NRG1: variants seen among roughly 807,000 people sequenced by gnomAD.
The protein encoded by NRG1 is neuregulin 1.
A neutral mutation model predicts 63.8 loss-of-function variants in NRG1; 18 were observed. That is an observed-to-expected ratio of 0.28 (90% CI 0.19 to 0.42). The LOEUF is 0.42. Ranked by LOEUF, NRG1 falls within the 10% of genes least tolerant of loss-of-function variation. The probability of loss-of-function intolerance (pLI) is 1.00; values close to 1 mark genes in which losing one functional copy is unlikely to be tolerated. For synonymous variants in NRG1, 302 were observed against 301.3 expected, an observed-to-expected ratio of 1.00 and a Z score of -0.02; for missense variants, 762 against 814.7, an observed-to-expected ratio of 0.94 and a Z score of 0.79.
intron 1 of NRG1, among the ~76,000 whole-genome samples, chr8:32,338,884 T>C (rs760386279): frequency 6.6e-6 from 1 of 152,144 alleles, no homozygotes; most frequent in Non-Finnish European, 1.5e-5. Context: ...AGTTGTTACA[T>C]CTGGCTTTAA....
intron 1 of NRG1, among the ~76,000 whole-genome samples, chr8:32,530,211 C>T (rs1316921239): frequency 6.6e-6 from 1 of 151,992 alleles, no homozygotes; most frequent in Non-Finnish European, 1.5e-5. Flanking sequence ...GGGTTCATGC[C>T]ATTCTCCTGC....
At chr8:31,711,910 G>T (rs1811795164) in intron 1 of NRG1, among the ~76,000 whole-genome samples, 2 of 152,034 alleles carry the variant, frequency 1.3e-5, no homozygotes, top group Non-Finnish European at 2.9e-5. Context: ...TAAAGGCTCT[G>T]CCCACATGAC....
intron 1 of NRG1, among the ~76,000 whole-genome samples, chr8:31,693,821 A>G (rs1024978175): frequency 3.9e-5 from 6 of 152,174 alleles, no homozygotes; most frequent in Non-Finnish European, 7.4e-5. Context: ...CAGAGTGCAT[A>G]CAACATCACT....
intron 1 of NRG1, among the ~76,000 whole-genome samples, chr8:32,265,025 T>G (rs1850772773): frequency 1.3e-5 from 2 of 152,264 alleles, no homozygotes; most frequent in Middle Eastern, 3.4e-3. Context: ...GATGACATTT[T>G]TTTTCCCTTT....
chr8:32,755,197 GT>G (rs1234713581), intron 8 of NRG1, among the ~76,000 whole-genome samples: 1 of 152,144 alleles, frequency 6.6e-6, no homozygotes, highest in Non-Finnish European at 1.5e-5. Context: ...TGGTCTTGAA[GT>G]TTGGTCCGTA....
intron 3 of NRG1, among the ~76,000 whole-genome samples, chr8:32,609,254 T>G (rs1845869335): frequency 1.3e-5 from 2 of 152,120 alleles, no homozygotes; most frequent in African/African-American, 4.8e-5. Flanking sequence ...TGATCCCTTA[T>G]CCTCTTCCAC....
chr8:31,651,826 A>G (rs947620711), intron 1 of NRG1, among the ~76,000 whole-genome samples: 4 of 151,882 alleles, frequency 2.6e-5, no homozygotes, highest in African/African-American at 9.7e-5. Context: ...CCCCTGGTGG[A>G]TTCACCTACT....
chr8:32,156,640 G>A (rs1838104721), intron 1 of NRG1, among the ~76,000 whole-genome samples: 1 of 152,324 alleles, frequency 6.6e-6, no homozygotes, highest in East Asian at 1.9e-4. Context: ...ACCATAGAAG[G>A]CAAAATTTGG....
intron 5 of NRG1, among the ~76,000 whole-genome samples, chr8:32,629,796 C>T (rs753194623): frequency 2.0e-5 from 3 of 152,076 alleles, no homozygotes; most frequent in Non-Finnish European, 2.9e-5. Context: ...ATTTCAGAAT[C>T]TACTTATTAA....
At position 32,422,161 on chromosome 8, in the gene NRG1, A is replaced by T. The variant is rs558447293; in HGVS notation, c.38-173667A>T. 1.7e-3 allele frequency among the ~76,000 whole-genome samples: 254 copies of T among 152,326 alleles called. 1 individual carries two copies. Among genetic ancestry groups the T allele is most frequent in the African/African-American group, 5.8e-3 (243 of 41,592 alleles). ...ATTTAAGAAAAGAAATAGAAAAAAG[A>T]TAATTTTTTTAAAGTAGAAAGAGGG... On this transcript the variant is annotated intron_variant, in intron 1 of 10. Transcript: ENST00000519301.
At chr8:32,104,881 C>T (rs1274950172) in intron 1 of NRG1, among the ~76,000 whole-genome samples, 3 of 151,336 alleles carry the variant, frequency 2.0e-5, no homozygotes, top group Non-Finnish European at 4.4e-5. Flanking sequence ...TCCTGAAGGA[C>T]CTGCCTGAGG....
chr8:32,250,828 C>T (rs931313149), intron 1 of NRG1, among the ~76,000 whole-genome samples: 11 of 151,522 alleles, frequency 7.3e-5, no homozygotes, highest in Non-Finnish European at 8.8e-5. Context: ...GATATTTTAC[C>T]AGAGATAGTC....
intron 1 of NRG1, among the ~76,000 whole-genome samples, chr8:32,317,624 G>A (rs1412182971): frequency 6.6e-6 from 1 of 152,124 alleles, no homozygotes; most frequent in African/African-American, 2.4e-5. Context: ...TTTGGCATGA[G>A]GGTTAGAAAT....
At chr8:32,695,425 GAA>G (rs897225058) in intron 5 of NRG1, among the ~76,000 whole-genome samples, 54 of 152,172 alleles carry the variant, frequency 3.5e-4, no homozygotes, top group African/African-American at 1.3e-3. Context: ...AAGAAAAAAA[GAA>G]AAAGACTGAA....
Position 32,394,103 on chromosome 8 carries a change from T to C in NRG1, c.38-201725T>C, listed in dbSNP as rs73677018. 6.3e-3 allele frequency among the ~76,000 whole-genome samples: 955 copies of C among 152,276 alleles called. 12 individuals carry two copies. Among genetic ancestry groups the C allele is most frequent in the African/African-American group, 0.022 (915 of 41,564 alleles). On this transcript the variant is annotated intron_variant, in intron 1 of 10. Coordinates refer to the NRG1 transcript ENST00000519301. Reference sequence around the variant, plus strand: ...GCTCTTGTTTTCCTACTTCCTTTAATGTAACAGTAACACAGTGAGCACTTA... The same window carrying C: ...GCTCTTGTTTTCCTACTTCCTTTAACGTAACAGTAACACAGTGAGCACTTA...
At chr8:31,781,256 G>A (rs1240241759) in intron 1 of NRG1, among the ~76,000 whole-genome samples, 1 of 152,120 alleles carries the variant, frequency 6.6e-6, no homozygotes, top group Non-Finnish European at 1.5e-5. Flanking sequence ...AGGAGTAATT[G>A]TAGCATCTTC....
intron 1 of NRG1, among the ~76,000 whole-genome samples, chr8:32,508,159 T>C (rs1018457830): frequency 6.6e-6 from 1 of 152,222 alleles, no homozygotes; most frequent in African/African-American, 2.4e-5. Flanking sequence ...TAGTCCTAAC[T>C]ACTCAGGAAG....
Position 32,074,808 on chromosome 8 carries a change from A to G in NRG1, c.37+435377A>G, listed in dbSNP as rs555927408. Among the ~76,000 whole-genome samples, 27 of 152,362 alleles carry G rather than the reference A, an allele frequency of 1.8e-4. No individual in the cohort carries two copies. In the South Asian group the frequency reaches 5.0e-3, roughly 28 times the overall value. Reference sequence around the variant, plus strand: ...TGTAAATTACTGGGTGGGATTTATAAACAAATTATTGACTAATTATGAACA... The same window carrying G: ...TGTAAATTACTGGGTGGGATTTATAGACAAATTATTGACTAATTATGAACA... On this transcript the variant is annotated intron_variant, in intron 1 of 10. Coordinates refer to the NRG1 transcript ENST00000519301.
At chr8:32,003,557 G>A (rs1813281896) in intron 1 of NRG1, among the ~76,000 whole-genome samples, 1 of 151,854 alleles carries the variant, frequency 6.6e-6, no homozygotes, top group African/African-American at 2.4e-5. Context: ...ATAAAGAGAA[G>A]ACATTGTAAT....
Sources: gnomAD v4.1 joint callset for allele counts (sites outside exome capture counted in the v4.1 genomes callset) on GRCh38, gnomAD v4.1.1 for gene constraint, MANE v1.5 for transcripts, NCBI Gene and HGNC (gene_info 2026-07-23, HGNC 2026-07-21) for gene names.